The following CELF2 variants were observed in gnomAD, a reference collection of about 807,000 sequenced individuals.
CELF2 encodes CUG triplet repeat RNA-binding protein 2.
A neutral mutation model predicts 62.6 loss-of-function variants in CELF2; 8 were observed. The ratio of observed to expected loss-of-function variants is 0.13; its 90% CI spans 0.07 to 0.23. CELF2 has a LOEUF of 0.23. CELF2 is among the 10% of genes least tolerant of loss of function. CELF2 has a pLI of 1.00. For missense variants in CELF2, 333 were observed against 671.0 expected (o/e 0.50, Z 5.56); for synonymous variants, 258 against 250.0 (o/e 1.03, Z -0.30).
At chr10:10,514,574 C>T in the CELF2 span, among the ~76,000 whole-genome samples, 181 of 152,226 alleles carry the variant, frequency 1.2e-3, 5 homozygotes, top group East Asian at 0.031. Context: ...GAGCCCTGGC[C>T]GAGAGCAGGA....
the CELF2 span, among the ~76,000 whole-genome samples, chr10:10,601,877 G>A: frequency 1.3e-5 from 2 of 151,972 alleles, no homozygotes; most frequent in African/African-American, 2.4e-5. Context: ...TTTTCCTAAT[G>A]TTCTCCCTCC....
At position 11,333,943 on chromosome 10, in the gene CELF2, CTGATTTCAAGTT is replaced by C. The variant is rs2096073790; in HGVS notation, c.*4898_*4909del. ...TGCTCTGGTGGGCCCCTGACAATGA[CTGATTTCAAGTT>C]TGATTTCGGGTTGATTGATTGATTG... On this transcript the variant is annotated 3_prime_UTR_variant, in exon 13 of 13. Coordinates refer to ENST00000633077, the MANE Select transcript of CELF2 (RefSeq NM_001326342.2). 1 of 151,288 alleles carries C rather than the reference CTGATTTCAAGTT, an allele frequency of 6.6e-6. No individual in the cohort carries two copies. The highest frequency in any genetic ancestry group is 6.6e-5 in the Admixed American group (1 of 15,146). The allele number at this position is 151,288 out of a possible 1,614,324, so 9.4% of individuals were successfully genotyped here.
intron 2 of CELF2, among the ~76,000 whole-genome samples, chr10:10,982,639 A>G (rs1435280641): frequency 7.2e-5 from 11 of 152,164 alleles, no homozygotes; most frequent in Non-Finnish European, 1.5e-4. Flanking sequence ...CTTTCTTCCT[A>G]TTACCCTGTA....
chr10:11,304,745 G>A (rs538788524), intron 9 of CELF2, among the ~76,000 whole-genome samples: 78 of 152,302 alleles, frequency 5.1e-4, no homozygotes, highest in African/African-American at 1.8e-3. Context: ...TGCCACATTG[G>A]GGATAAAGTT....
At position 11,335,446 on chromosome 10, in the gene CELF2, C is replaced by G. The variant is rs1174676374; in HGVS notation, c.*6393C>G. ...GCTCAGGCTCTTCACCCTCTCGTTG[C>G]AGCAGCCCCTCTGGCCCGAGATTGT... On this transcript the variant is annotated 3_prime_UTR_variant, in exon 13 of 13. Coordinates refer to ENST00000633077, the MANE Select transcript of CELF2 (RefSeq NM_001326342.2). The surrounding 1 kb of genome is among the most constrained non-coding windows in gnomAD (Gnocchi z 5.0). 3.3e-5 allele frequency: 5 copies of G among 152,308 alleles called. No individual in the cohort carries two copies. The highest frequency in any genetic ancestry group is 1.2e-4 in the African/African-American group (5 of 41,466). 9.4% of individuals were successfully genotyped at this position (152,308 alleles called of 1,614,324 possible).
At chr10:10,887,828 A>G (rs964933096) in intron 1 of CELF2, among the ~76,000 whole-genome samples, 1 of 151,634 alleles carries the variant, frequency 6.6e-6, no homozygotes, top group East Asian at 1.9e-4. Context: ...CTGGAGTGCA[A>G]TGCCACAGTC....
intron 1 of CELF2, among the ~76,000 whole-genome samples, chr10:11,069,946 A>T (rs939397320): frequency 6.6e-6 from 1 of 152,228 alleles, no homozygotes; most frequent in Non-Finnish European, 1.5e-5. Context: ...TTCATTCAGG[A>T]CAGTCGAAGA....
At chr10:10,885,788 C>T (rs1410504038) in intron 1 of CELF2, among the ~76,000 whole-genome samples, 1 of 152,158 alleles carries the variant, frequency 6.6e-6, no homozygotes, top group African/African-American at 2.4e-5. Context: ...CTGGTCTCTT[C>T]TTCCATCTTC....
chr10:11,179,818 G>C (rs988579626), intron 2 of CELF2, among the ~76,000 whole-genome samples: 2 of 152,216 alleles, frequency 1.3e-5, no homozygotes, highest in African/African-American at 4.8e-5. Context: ...GGGGGAAGGA[G>C]GGTCAGAGTT....
At chr10:10,491,742 CA>C in the CELF2 span, among the ~76,000 whole-genome samples, 11 of 152,188 alleles carry the variant, frequency 7.2e-5, no homozygotes, top group Non-Finnish European at 1.5e-4. Flanking sequence ...AGTTAAGCCA[CA>C]TTGACAAAAG....
chr10:10,667,005 G>A, the CELF2 span, among the ~76,000 whole-genome samples: 1 of 152,066 alleles, frequency 6.6e-6, no homozygotes, highest in African/African-American at 2.4e-5. Flanking sequence ...ACATTTATAA[G>A]CCAAAGGCCC....
chr10:10,988,511 G>A (rs1365876768), intron 2 of CELF2, among the ~76,000 whole-genome samples: 1 of 152,052 alleles, frequency 6.6e-6, no homozygotes, highest in Non-Finnish European at 1.5e-5. Flanking sequence ...TGAGGACTTG[G>A]TGGGGAGGGT....
chr10:10,532,086 A>G, the CELF2 span, among the ~76,000 whole-genome samples: 1 of 152,252 alleles, frequency 6.6e-6, no homozygotes, highest in South Asian at 2.1e-4. Context: ...CCTAACGGCA[A>G]TGTGGTGAAA....
chr10:11,253,508 A>G (rs1249275115), intron 4 of CELF2, among the ~76,000 whole-genome samples: 1 of 152,250 alleles, frequency 6.6e-6, no homozygotes, highest in African/African-American at 2.4e-5. Context: ...TTCAAAGTGG[A>G]GAGACTTACA....
chr10:10,935,715 G>A (rs149532369), intron 2 of CELF2, among the ~76,000 whole-genome samples: 1 of 152,264 alleles, frequency 6.6e-6, no homozygotes, highest in African/African-American at 2.4e-5. Flanking sequence ...AAGCAAGATG[G>A]TATCACATTG....
chr10:11,293,580 C>A (rs1363424753), intron 9 of CELF2, among the ~76,000 whole-genome samples: 2 of 152,196 alleles, frequency 1.3e-5, no homozygotes, highest in African/African-American at 2.4e-5. Flanking sequence ...GCCAGGCGTT[C>A]TGCAGACGTC....
At chr10:11,210,463 A>T (rs2061533941) in intron 2 of CELF2, among the ~76,000 whole-genome samples, 1 of 152,244 alleles carries the variant, frequency 6.6e-6, no homozygotes. Context: ...GCAGAATTGC[A>T]GGAAACCATT....
the CELF2 span, among the ~76,000 whole-genome samples, chr10:10,716,048 A>G: frequency 1.3e-5 from 2 of 152,204 alleles, no homozygotes; most frequent in African/African-American, 2.4e-5. Context: ...TTGAACATCA[A>G]TGGAAACAAT....
At chr10:11,238,016 C>T (rs1266686392) in intron 3 of CELF2, among the ~76,000 whole-genome samples, 1 of 152,176 alleles carries the variant, frequency 6.6e-6, no homozygotes, top group East Asian at 1.9e-4. Flanking sequence ...CAGGCATTAT[C>T]ATTTCAGTGT....
Sources: allele counts gnomAD v4.1 joint callset (sites outside exome capture counted in the v4.1 genomes callset), GRCh38; gene constraint gnomAD v4.1.1; non-coding constraint Gnocchi (gnomAD v3.1); transcripts MANE v1.5; gene names NCBI Gene and HGNC (gene_info 2026-07-23, HGNC 2026-07-21).